EML6: variants seen among roughly 807,000 people sequenced by gnomAD.
EML6 encodes EMAP like 6, also known as echinoderm microtubule-associated protein-like 6.
A neutral mutation model predicts 240.1 loss-of-function variants in EML6; 154 were observed. The ratio of observed to expected loss-of-function variants is 0.64; its 90% CI spans 0.56 to 0.73. The LOEUF is 0.73. Among genes scored for constraint, EML6 ranks in the 30% least tolerant of loss-of-function variants. The pLI is 0.00. For missense variants in EML6, 2,964 were observed against 2,474.6 expected, an observed-to-expected ratio of 1.20 and a Z score of -4.20; for synonymous variants, 1,148 against 899.0, an observed-to-expected ratio of 1.28 and a Z score of -4.95.
intron 2 of EML6, among the ~76,000 whole-genome samples, chr2:54,791,951 A>G (rs1188970351): frequency 6.6e-6 from 1 of 152,238 alleles, no homozygotes; most frequent in Non-Finnish European, 1.5e-5. Flanking sequence ...TTTGACTCAG[A>G]AAATCCTGGC....
intron 2 of EML6, among the ~76,000 whole-genome samples, chr2:54,785,602 A>T (rs1360319108): frequency 6.6e-6 from 1 of 152,172 alleles, no homozygotes; most frequent in Admixed American, 6.5e-5. Context: ...CTGCATCTTT[A>T]TATGTGTTTA....
At chr2:54,866,980 G>A (rs988854783) in intron 14 of EML6, 96 bp downstream of exon 14, 6 of 656,158 alleles carry the variant, frequency 9.1e-6, no homozygotes, top group African/African-American at 5.5e-5. Context: ...CCTCCCCTCA[G>A]TGTCGTCCTC....
intron 2 of EML6, among the ~76,000 whole-genome samples, chr2:54,791,483 ATT>A (rs1309077292): frequency 6.6e-6 from 1 of 152,192 alleles, no homozygotes; most frequent in Non-Finnish European, 1.5e-5. Flanking sequence ...TTTATCCATC[ATT>A]GTTGGAGTTC....
At chr2:54,964,801 T>C (rs908272000) in intron 38 of EML6, 68 bp downstream of exon 38, 113 of 1,436,436 alleles carry the variant, frequency 7.9e-5, no homozygotes, top group Non-Finnish European at 1.1e-4. Flanking sequence ...TGGCCTATAT[T>C]AATCGAGTCC....
At chr2:54,874,175 G>A (rs1342871055) in intron 16 of EML6, among the ~76,000 whole-genome samples, 2 of 152,208 alleles carry the variant, frequency 1.3e-5, no homozygotes, top group African/African-American at 4.8e-5. Context: ...AGATGAGTTG[G>A]TAGCAATAAG....
At chr2:54,805,567 T>C (rs1474411516) in intron 2 of EML6, among the ~76,000 whole-genome samples, 3 of 152,202 alleles carry the variant, frequency 2.0e-5, no homozygotes, top group African/African-American at 7.2e-5. Flanking sequence ...CATTTTTATA[T>C]ATTCTGGGTA....
chr2:54,797,789 T>C (rs1374946371), intron 2 of EML6, among the ~76,000 whole-genome samples: 1 of 152,226 alleles, frequency 6.6e-6, no homozygotes, highest in South Asian at 2.1e-4. Flanking sequence ...CTACCACTTA[T>C]CAGCCATGTA....
intron 2 of EML6, among the ~76,000 whole-genome samples, chr2:54,792,767 A>T (rs920396912): frequency 9.2e-5 from 14 of 152,234 alleles, no homozygotes. Context: ...ATAAAATAGA[A>T]ATACGCTATA....
chr2:54,904,042 A>G (rs1050692714), intron 24 of EML6, among the ~76,000 whole-genome samples: 3 of 152,168 alleles, frequency 2.0e-5, no homozygotes, highest in Admixed American at 2.0e-4. Flanking sequence ...TTGTCTATTT[A>G]ATAACTCTAG....
At chr2:54,788,134 C>G (rs898580583) in intron 2 of EML6, among the ~76,000 whole-genome samples, 5 of 152,176 alleles carry the variant, frequency 3.3e-5, no homozygotes, top group Non-Finnish European at 7.3e-5. Flanking sequence ...GCAGAACACC[C>G]GTGGACCTTA....
chr2:54,794,110 G>T (rs1320924330), intron 2 of EML6, among the ~76,000 whole-genome samples: 1 of 152,070 alleles, frequency 6.6e-6, no homozygotes, highest in Non-Finnish European at 1.5e-5. Context: ...TCTTATCCCA[G>T]TGAAGTAAGT....
chr2:54,775,928 C>G (rs899046723), intron 2 of EML6, among the ~76,000 whole-genome samples: 1 of 152,116 alleles, frequency 6.6e-6, no homozygotes, highest in Admixed American at 6.5e-5. Context: ...CTGTGACAAC[C>G]TTACTTGGTC....
chr2:54,814,448 C>G (rs550801563), intron 3 of EML6, among the ~76,000 whole-genome samples: 1 of 152,306 alleles, frequency 6.6e-6, no homozygotes, highest in African/African-American at 2.4e-5. Context: ...AGGGGTCATT[C>G]CTGGCTCCGG....
intron 17 of EML6, among the ~76,000 whole-genome samples, chr2:54,883,886 A>G (rs1346259785): frequency 6.6e-6 from 1 of 152,202 alleles, no homozygotes; most frequent in East Asian, 1.9e-4. Flanking sequence ...ACTAGCCACA[A>G]CAGAAATAAC....
chr2:54,948,753 T>A, intron 28 of EML6, 129 bp from the exon 29 acceptor site: 2 of 689,150 alleles, frequency 2.9e-6, no homozygotes, highest in Admixed American at 4.8e-5. Context: ...ACTGAACAGA[T>A]CCAAGTGGAG....
chr2:54,958,899 T>C (rs970790235), intron 33 of EML6, among the ~76,000 whole-genome samples: 3 of 152,024 alleles, frequency 2.0e-5, no homozygotes, highest in Admixed American at 1.3e-4. Context: ...CAGTTAAATA[T>C]AGTGAATTTC....
chr2:54,829,554 CTG>C (rs1306310257), intron 7 of EML6, 77 bp downstream of exon 7: 2 of 1,188,750 alleles, frequency 1.7e-6, no homozygotes, highest in Admixed American at 5.1e-5. Flanking sequence ...ATTTGTTTCT[CTG>C]TACCCCATTT....
chr2:54,798,468 C>A (rs927996374), intron 2 of EML6, among the ~76,000 whole-genome samples: 2 of 152,124 alleles, frequency 1.3e-5, no homozygotes, highest in Admixed American at 1.3e-4. Context: ...CGACCACACC[C>A]GGCCATTTTA....
intron 5 of EML6, among the ~76,000 whole-genome samples, chr2:54,821,669 C>T (rs2104113392): frequency 6.6e-6 from 1 of 152,010 alleles, no homozygotes; most frequent in East Asian, 1.9e-4. Flanking sequence ...TGATACAAGA[C>T]TTGGATACAA....
Sources: gnomAD v4.1 joint callset for allele counts (sites outside exome capture counted in the v4.1 genomes callset) on GRCh38, gnomAD v4.1.1 for gene constraint, MANE v1.5 for transcripts, NCBI Gene and HGNC (gene_info 2026-07-23, HGNC 2026-07-21) for gene names.